EPB41L4B: variants seen among roughly 807,000 people sequenced by gnomAD.
EPB41L4B encodes erythrocyte membrane protein band 4.1 like 4B, also known as band 4.1-like protein 4B.
EPB41L4B carries 30 observed loss-of-function variants against 112.5 expected under a neutral mutation model. The ratio of observed to expected loss-of-function variants is 0.27; its 90% CI spans 0.20 to 0.36. The LOEUF (loss-of-function observed/expected upper bound fraction) is 0.36. EPB41L4B is among the 10% of genes least tolerant of loss of function. The probability of loss-of-function intolerance (pLI) is 1.00; values close to 1 mark genes in which losing one functional copy is unlikely to be tolerated. For synonymous variants in EPB41L4B, 408 were observed against 439.7 expected (o/e 0.93, Z 0.90); for missense variants, 1,024 against 1,133.3 (o/e 0.90, Z 1.38).
chr9:109,306,949 G>T (rs1430119084), intron 1 of EPB41L4B, among the ~76,000 whole-genome samples: 1 of 150,086 alleles, frequency 6.7e-6, no homozygotes, highest in Non-Finnish European at 1.5e-5. Flanking sequence ...TTAGAGCAAC[G>T]CCCATACATT....
At chr9:109,253,380 C>G in intron 12 of EPB41L4B, 61 bp downstream of exon 12, 1 of 1,213,878 alleles carries the variant, frequency 8.2e-7, no homozygotes, top group Non-Finnish European at 1.2e-6. Context: ...CCAAGCTCCT[C>G]GAGGGCTTAA....
intron 15 of EPB41L4B, among the ~76,000 whole-genome samples, chr9:109,233,739 C>T (rs928637614): frequency 6.6e-6 from 1 of 152,118 alleles, no homozygotes; most frequent in East Asian, 1.9e-4. Flanking sequence ...GCCATGCTGG[C>T]TAGGCTAGTC....
intron 1 of EPB41L4B, among the ~76,000 whole-genome samples, chr9:109,291,375 C>T (rs1836522730): frequency 6.6e-6 from 1 of 152,160 alleles, no homozygotes; most frequent in South Asian, 2.1e-4. Context: ...GATACAAGGC[C>T]ACACACAGTC....
chr9:109,240,873 T>C (rs1011192100), intron 15 of EPB41L4B: 2 of 985,296 alleles, frequency 2.0e-6, no homozygotes, highest in African/African-American at 3.5e-5. Flanking sequence ...ATTAAGACAT[T>C]AAAAATTATT....
At chr9:109,244,011 G>A (rs1037717769) in intron 14 of EPB41L4B, among the ~76,000 whole-genome samples, 2 of 152,282 alleles carry the variant, frequency 1.3e-5, no homozygotes, top group African/African-American at 4.8e-5. Flanking sequence ...ATCTTCCCAA[G>A]GGAAGAGGCG....
At chr9:109,307,162 G>A in intron 1 of EPB41L4B, 1 of 428,322 alleles carries the variant, frequency 2.3e-6, no homozygotes, top group Non-Finnish European at 4.6e-6. Context: ...TAAACGACAT[G>A]TTACAGTAAT....
At chr9:109,228,998 A>G (rs775663477) in intron 15 of EPB41L4B, among the ~76,000 whole-genome samples, 89 of 152,228 alleles carry the variant, frequency 5.8e-4, no homozygotes, top group Admixed American at 4.5e-3. Flanking sequence ...TGATGTGATT[A>G]TTTCACATTG....
intron 4 of EPB41L4B, among the ~76,000 whole-genome samples, chr9:109,267,182 G>T (rs1384293840): frequency 1.3e-5 from 2 of 152,024 alleles, no homozygotes; most frequent in African/African-American, 4.8e-5. Flanking sequence ...TTTTGTAGTT[G>T]AGATAAAAAT....
intron 22 of EPB41L4B, among the ~76,000 whole-genome samples, chr9:109,189,092 C>T (rs1832367437): frequency 6.6e-6 from 1 of 152,216 alleles, no homozygotes; most frequent in South Asian, 2.1e-4. Flanking sequence ...AAAATACCAA[C>T]TGGAGAGCAG....
chr9:109,260,724 AT>A (rs1835170860), intron 6 of EPB41L4B, among the ~76,000 whole-genome samples: 1 of 152,152 alleles, frequency 6.6e-6, no homozygotes, highest in African/African-American at 2.4e-5. Flanking sequence ...CAACAATTGT[AT>A]CTTAAAATCA....
At chr9:109,228,215 T>C (rs991689829) in intron 15 of EPB41L4B, among the ~76,000 whole-genome samples, 8 of 152,234 alleles carry the variant, frequency 5.3e-5, no homozygotes, top group African/African-American at 1.9e-4. Context: ...CACTCTTAGC[T>C]TACTAAAAAT....
Position 109,267,529 on chromosome 9 carries a change from G to A in EPB41L4B, c.477C>T (p.His159=), listed in dbSNP as rs754336788. 2 of 1,613,184 alleles carry A rather than the reference G, an allele frequency of 1.2e-6. No homozygotes were observed. Among genetic ancestry groups the A allele is most frequent in the South Asian group, 1.1e-5 (1 of 91,038 alleles). ...QMKIGPAYAL[H]FRVKYYSSEP... ...CTGAAGAATAGTATTTAACTCGAAA[G>A]TGTAAAGCATAAGCAGGTCCAACTA... The change falls in exon 4 of 26, where the codon CAC becomes CAT. Residue 159 remains histidine (H), a synonymous_variant. Coordinates refer to ENST00000374566, the MANE Select transcript of EPB41L4B (RefSeq NM_019114.5).
At chr9:109,275,522 G>A (rs952257810) in intron 2 of EPB41L4B, among the ~76,000 whole-genome samples, 2 of 152,118 alleles carry the variant, frequency 1.3e-5, no homozygotes, top group Non-Finnish European at 2.9e-5. Context: ...CAGGCAAGGC[G>A]GGCCTTACAG....
chr9:109,288,567 C>A (rs1356460951), intron 1 of EPB41L4B, among the ~76,000 whole-genome samples: 2 of 151,398 alleles, frequency 1.3e-5, no homozygotes, highest in Non-Finnish European at 2.9e-5. Context: ...AAACAAAATA[C>A]AAAAAATTAG....
In EPB41L4B at chr9:109,240,093, T is replaced by C. The variant is rs190928431; in HGVS notation, c.1409+3525A>G. Reference sequence around the variant, plus strand: ...CCAACTGTTCTGTTACCAAGGTCATTCACAAATGAGACTTCTGCATAGCAA... The same window carrying C: ...CCAACTGTTCTGTTACCAAGGTCATCCACAAATGAGACTTCTGCATAGCAA... On this transcript the variant is annotated intron_variant, in intron 15 of 25. Coordinates refer to ENST00000374566, the MANE Select transcript of EPB41L4B (RefSeq NM_019114.5). The C allele has an allele frequency of 1.5e-5, 15 of 985,216 alleles. No homozygotes were observed. In the Admixed American group the frequency reaches 6.8e-4, roughly 44 times the overall value. 61.0% of individuals were successfully genotyped at this position (985,216 alleles called of 1,614,324 possible). A position where few individuals can be genotyped will look rare whatever the true frequency, so the allele number is the denominator to read the frequency against.
At chr9:109,285,229 C>T (rs796582280) in intron 1 of EPB41L4B, among the ~76,000 whole-genome samples, 77 of 152,308 alleles carry the variant, frequency 5.1e-4, no homozygotes, top group African/African-American at 1.7e-3. Context: ...GCTCTACTTA[C>T]GTAAAATGAA....
intron 21 of EPB41L4B, 150 bp downstream of exon 21, chr9:109,194,070 A>G: frequency 1.2e-6 from 1 of 833,266 alleles, no homozygotes; most frequent in Non-Finnish European, 1.8e-6. Context: ...CAAGTTATAT[A>G]AAAACATGTT....
At chr9:109,185,025 G>T (rs186797720) in intron 23 of EPB41L4B, among the ~76,000 whole-genome samples, 3 of 152,292 alleles carry the variant, frequency 2.0e-5, no homozygotes, top group African/African-American at 7.2e-5. Flanking sequence ...AAGGAAATAT[G>T]TAAAAATGAC....
intron 13 of EPB41L4B, among the ~76,000 whole-genome samples, chr9:109,249,581 T>G (rs918170291): frequency 1.1e-4 from 17 of 151,804 alleles, no homozygotes; most frequent in Non-Finnish European, 2.2e-4. Flanking sequence ...AAATGTAATT[T>G]TATTAGGGAG....
Sources: allele counts gnomAD v4.1 joint callset (sites outside exome capture counted in the v4.1 genomes callset), GRCh38; gene constraint gnomAD v4.1.1; transcripts MANE v1.5; gene names NCBI Gene and HGNC (gene_info 2026-07-23, HGNC 2026-07-21).